Variants in FBRSL1 observed in about 807,000 individuals in gnomAD.
FBRSL1 encodes the protein fibrosin like 1, also known as fibrosin-1-like protein.
FBRSL1 carries 51 observed loss-of-function variants against 89.6 expected under a neutral mutation model. The ratio of observed to expected loss-of-function variants is 0.57; its 90% CI spans 0.45 to 0.72. The LOEUF (loss-of-function observed/expected upper bound fraction) is 0.72, where lower values mean the gene tolerates loss of function less well. Ranked by LOEUF, FBRSL1 falls within the 30% of genes least tolerant of loss-of-function variation. FBRSL1 has a pLI of 0.00. For synonymous variants in FBRSL1, 779 were observed against 681.1 expected (o/e 1.14, Z -2.24); for missense variants, 1,618 against 1,451.8 (o/e 1.11, Z -1.86).
chr12:132,582,861 C>T (rs569027446), intron 18 of FBRSL1, 110 bp from the exon 19 acceptor site: 2 of 900,724 alleles, frequency 2.2e-6, no homozygotes, highest in East Asian at 3.6e-5. Flanking sequence ...TGAGGGGTCA[C>T]CGGCCACCCA....
chr12:132,491,901 A>G (rs2031064577), intron 1 of FBRSL1, among the ~76,000 whole-genome samples: 1 of 152,254 alleles, frequency 6.6e-6, no homozygotes. Flanking sequence ...GTGCACGGAC[A>G]GAGCTGGGGC....
At chr12:132,519,092 G>A (rs979994995) in intron 2 of FBRSL1, among the ~76,000 whole-genome samples, 1 of 152,280 alleles carries the variant, frequency 6.6e-6, no homozygotes, top group African/African-American at 2.4e-5. Context: ...CCCTGACACT[G>A]TGCTGACTCA....
chr12:132,582,408 C>CTTCCCCG lies in FBRSL1; in HGVS notation c.2201+149_2201+155dup, dbSNP rs1433810352. 1.1e-4 allele frequency: 67 copies of CTTCCCCG among 611,724 alleles called. No individual in the cohort carries two copies. In the Middle Eastern group the frequency reaches 1.3e-3, roughly 12 times the overall value. 37.9% of individuals were successfully genotyped at this position (611,724 alleles called of 1,614,324 possible). On this transcript the variant is annotated intron_variant, in intron 18 of 18. Coordinates refer to ENST00000680143, the MANE Select transcript of FBRSL1 (RefSeq NM_001367871.1). ...CACCGTTCCCCCTCCCCCTGTTCCCCTTCCCCGTTCCCCCTCCCCCATTCC... is the reference window on the plus strand; with the variant it reads ...CACCGTTCCCCCTCCCCCTGTTCCCCTTCCCCGTTCCCCGTTCCCCCTCCCCCATTCC...
At position 132,557,495 on chromosome 12, in the gene FBRSL1, C is replaced by T. The variant is rs968545402; in HGVS notation, c.645+9463C>T. On this transcript the variant is annotated intron_variant, in intron 5 of 18. Transcript: ENST00000680143. ...GGGCGCAGGGCTGTGGGGCGGGGCT[C>T]GGGGCTCGGGGCTGGGTTTTCGGCC... 3.4e-5 allele frequency among the ~76,000 whole-genome samples: 5 copies of T among 148,680 alleles called. No homozygotes were observed. The East Asian group carries it at 7.3e-4, about 22-fold the overall frequency.
At position 132,525,828 on chromosome 12, in the gene FBRSL1, G is replaced by A; in HGVS notation, c.579+5G>A. ...TCCCGGGACCCGCTCAGCGATGTGA[G>A]TACCCAGCTGCCCGCGCCCGGAGGC... On this transcript the variant is annotated splice_donor_5th_base_variant and intron_variant, in intron 3 of 18. Coordinates refer to ENST00000680143, the MANE Select transcript of FBRSL1 (RefSeq NM_001367871.1). The A allele has an allele frequency of 6.5e-7, 1 of 1,543,258 alleles. No individual in the cohort carries two copies. Among genetic ancestry groups the A allele is most frequent in the African/African-American group, 1.4e-5 (1 of 73,036 alleles).
intron 5 of FBRSL1, among the ~76,000 whole-genome samples, chr12:132,560,517 C>T (rs2039027989): frequency 6.6e-6 from 1 of 151,930 alleles, no homozygotes; most frequent in African/African-American, 2.4e-5. Flanking sequence ...CCTTTGTCTG[C>T]GCCCAGGTGC....
chr12:132,576,991 G>A, intron 15 of FBRSL1, 60 bp downstream of exon 15: 1 of 1,514,654 alleles, frequency 6.6e-7, no homozygotes, highest in South Asian at 1.3e-5. Context: ...GCCCAGCTGA[G>A]CCTGCCTTCC....
Position 132,556,412 on chromosome 12 carries a change from C to G in FBRSL1, c.645+8380C>G, listed in dbSNP as rs1053141318. On this transcript the variant is annotated intron_variant, in intron 5 of 18. Transcript: ENST00000680143. ...AACAGCAGGCGCAGGCCCTACCCCC[C>G]ACGCCACGACTCAAGGCCCAAGCCT... is the stretch of plus-strand genomic sequence containing the variant. Among the ~76,000 whole-genome samples, 4 of 152,322 alleles carry G rather than the reference C, an allele frequency of 2.6e-5. No individual in the cohort carries two copies. The East Asian group carries it at 5.8e-4, about 22-fold the overall frequency.
intron 14 of FBRSL1, among the ~76,000 whole-genome samples, chr12:132,575,169 ACT>A (rs1389198664): frequency 2.0e-5 from 3 of 151,942 alleles, no homozygotes. Flanking sequence ...TCCGCACACA[ACT>A]CTGAAAAATC....
Position 132,583,098 on chromosome 12 carries a change from G to C in FBRSL1, c.2329G>C (p.Glu777Gln), listed in dbSNP as rs927076232. 495 of 1,453,732 alleles carry C rather than the reference G, an allele frequency of 3.4e-4. 1 individual carries two copies. Among genetic ancestry groups the C allele is most frequent in the Non-Finnish European group, 4.1e-4 (452 of 1,106,630 alleles). The allele number at this position is 1,453,732 out of a possible 1,614,324, so 90.1% of individuals were successfully genotyped here. Residue 777 changes from glutamate to glutamine, a missense_variant, in exon 19 of 19, where the codon GAG (glutamate) becomes CAG (glutamine). Glu to Gln is a conservative substitution (Grantham distance 29, BLOSUM62 2). Coordinates refer to ENST00000680143, the MANE Select transcript of FBRSL1 (RefSeq NM_001367871.1). ...LGRSGAPAER[E>Q]AEPRVKESRS... ...CCGGTCCGGGGCCCCCGCGGAGCGC[G>C]AGGCCGAACCTCGGGTCAAGGAGAG...
intron 18 of FBRSL1, among the ~76,000 whole-genome samples, chr12:132,582,769 C>T (rs2040866566): frequency 6.6e-6 from 1 of 152,148 alleles, no homozygotes; most frequent in Non-Finnish European, 1.5e-5. Flanking sequence ...CTTCCGTCTC[C>T]CGGCCAAGGT....
chr12:132,541,425 G>C (rs373008824), intron 4 of FBRSL1, among the ~76,000 whole-genome samples: 28 of 152,322 alleles, frequency 1.8e-4, no homozygotes, highest in Non-Finnish European at 3.1e-4. Context: ...CCCCGCCAGA[G>C]GTCATGCACC....
intron 5 of FBRSL1, chr12:132,551,924 C>T (rs1052956671): frequency 5.4e-5 from 16 of 293,920 alleles, no homozygotes; most frequent in Admixed American, 1.3e-4. Flanking sequence ...GGGGCTGCCA[C>T]GGCCACCTCC....
At chr12:132,493,863 G>A (rs953233075) in intron 1 of FBRSL1, among the ~76,000 whole-genome samples, 1 of 152,210 alleles carries the variant, frequency 6.6e-6, no homozygotes, top group Admixed American at 6.5e-5. Flanking sequence ...CTCCCTAAAT[G>A]GTGGTGGTGG....
chr12:132,581,360 G>A, intron 15 of FBRSL1, 79 bp from the exon 16 acceptor site: 4 of 1,548,364 alleles, frequency 2.6e-6, no homozygotes, highest in Non-Finnish European at 3.5e-6. Context: ...AAATTGGGGT[G>A]CTCCCTGTGA....
intron 4 of FBRSL1, among the ~76,000 whole-genome samples, chr12:132,533,260 AGTCAGAGAGCCT>A (rs2036451120): frequency 7.5e-6 from 1 of 132,912 alleles, no homozygotes; most frequent in Non-Finnish European, 1.5e-5. Context: ...CTCTCCCTGG[AGTCAGAGAGCCT>A]CAGTCTCCTC....
intron 1 of FBRSL1, among the ~76,000 whole-genome samples, chr12:132,494,170 G>C (rs1352649208): frequency 6.6e-6 from 1 of 152,182 alleles, no homozygotes; most frequent in African/African-American, 2.4e-5. Context: ...GGAACTCTGG[G>C]TGCTTGGGAA....
chr12:132,534,278 C>T (rs1264070369), intron 4 of FBRSL1, among the ~76,000 whole-genome samples: 5 of 152,362 alleles, frequency 3.3e-5, no homozygotes, highest in Middle Eastern at 3.4e-3. Flanking sequence ...CGTGCGTTGT[C>T]GGGCCCCAGG....
In FBRSL1 at chr12:132,490,853, G is replaced by A. The variant is rs1360192423; in HGVS notation, c.283G>A (p.Ala95Thr). 4 of 1,408,500 alleles carry A rather than the reference G, an allele frequency of 2.8e-6. No homozygotes were observed. Among genetic ancestry groups the A allele is most frequent in the East Asian group, 6.3e-5 (2 of 31,970 alleles). 87.3% of individuals were successfully genotyped at this position (1,408,500 alleles called of 1,614,324 possible). ...CATCGCCAGCTTCAGCACCCTGGAGGCCCTGGAGGTAGGTGGACGGGTGCG... is the reference window on the plus strand; with the variant it reads ...CATCGCCAGCTTCAGCACCCTGGAGACCCTGGAGGTAGGTGGACGGGTGCG... ...FAIASFSTLE[A>T]LEKDMALKPH... The change falls in exon 1 of 19, where the codon GCC becomes ACC. Residue 95 changes from alanine (A) to threonine (T), a missense_variant. Coordinates refer to ENST00000680143, the MANE Select transcript of FBRSL1 (RefSeq NM_001367871.1).
Sources: gnomAD v4.1 joint callset for allele counts (sites outside exome capture counted in the v4.1 genomes callset) on GRCh38, gnomAD v4.1.1 for gene constraint, MANE v1.5 for transcripts, NCBI Gene and HGNC (gene_info 2026-07-23, HGNC 2026-07-21) for gene names.